Variants in KMT2E observed in about 807,000 individuals in gnomAD.
The protein encoded by KMT2E is histone reader KMT2E.
KMT2E carries 30 observed loss-of-function variants against 184.6 expected under a neutral mutation model. That is an observed-to-expected ratio of 0.16 (90% confidence interval 0.12 to 0.22). The LOEUF (loss-of-function observed/expected upper bound fraction) is 0.22, where lower values mean the gene tolerates loss of function less well. KMT2E is among the 10% of genes least tolerant of loss of function. The pLI is 1.00. For synonymous variants in KMT2E, 815 were observed against 776.5 expected (o/e 1.05, Z -0.82); for missense variants, 2,023 against 2,237.4 (o/e 0.90, Z 1.93).
intron 3 of KMT2E, among the ~76,000 whole-genome samples, chr7:105,051,089 CTTTT>C (rs200244677): frequency 3.6e-5 from 5 of 137,352 alleles, no homozygotes; most frequent in African/African-American, 1.3e-4. Flanking sequence ...TTCTTTCTTT[CTTTT>C]TTCTCTCTCT....
At chr7:105,045,884 C>T (rs539782218) in intron 3 of KMT2E, among the ~76,000 whole-genome samples, 32 of 152,210 alleles carry the variant, frequency 2.1e-4, no homozygotes, top group African/African-American at 7.0e-4. Context: ...TTTTTTCCAT[C>T]TGGTTTTCTT....
intron 1 of KMT2E, among the ~76,000 whole-genome samples, chr7:105,035,360 G>C (rs1795602739): frequency 6.6e-6 from 1 of 151,492 alleles, no homozygotes; most frequent in African/African-American, 2.4e-5. Flanking sequence ...GTAGAGATGG[G>C]GTTTCATCAT....
intron 1 of KMT2E, among the ~76,000 whole-genome samples, chr7:105,015,661 A>C (rs1426454553): frequency 1.3e-5 from 2 of 152,148 alleles, no homozygotes; most frequent in African/African-American, 4.8e-5. Context: ...TGTCCTTTAC[A>C]GATTCTAAAA....
At chr7:105,087,493 G>A (rs1246907646) in intron 13 of KMT2E, among the ~76,000 whole-genome samples, 1 of 149,312 alleles carries the variant, frequency 6.7e-6, no homozygotes, top group Non-Finnish European at 1.5e-5. Flanking sequence ...GCGCGATCTC[G>A]GCTCACTGCA....
intron 1 of KMT2E, among the ~76,000 whole-genome samples, chr7:105,028,409 C>A (rs1015709010): frequency 6.6e-6 from 1 of 152,132 alleles, no homozygotes; most frequent in African/African-American, 2.4e-5. Context: ...TCAAGTGATC[C>A]GCCTGCCTCA....
intron 1 of KMT2E, among the ~76,000 whole-genome samples, chr7:105,032,838 T>C (rs1031506271): frequency 4.0e-4 from 61 of 152,244 alleles, no homozygotes; most frequent in African/African-American, 1.5e-3. Flanking sequence ...TTAATTACAA[T>C]AAGCTTTAAC....
chr7:105,041,050 C>T, intron 3 of KMT2E, 27 bp downstream of exon 3: 1 of 669,172 alleles, frequency 1.5e-6, no homozygotes, highest in Non-Finnish European at 2.2e-6. Flanking sequence ...GTTACATAAG[C>T]AAAAAAAAAA....
chr7:105,084,587 A>G (rs1797887357), intron 13 of KMT2E, among the ~76,000 whole-genome samples: 1 of 151,824 alleles, frequency 6.6e-6, no homozygotes, highest in Non-Finnish European at 1.5e-5. Context: ...AGATCGGACC[A>G]CTGCACTCCA....
intron 15 of KMT2E, chr7:105,091,634 G>C: frequency 2.3e-6 from 1 of 437,518 alleles, no homozygotes; most frequent in Non-Finnish European, 4.0e-6. Context: ...TCTTTTATTA[G>C]CTAAATGTAT....
In KMT2E at chr7:105,102,116, T is replaced by G. The variant is rs1194935407; in HGVS notation, c.2118T>G (p.Thr706=). The G allele has an allele frequency of 6.2e-7, 1 of 1,613,098 alleles. No individual in the cohort carries two copies. The change falls in exon 17 of 27, where the codon ACT becomes ACG. Residue 706 remains threonine, a synonymous_variant. Coordinates refer to ENST00000311117, the MANE Select transcript of KMT2E (RefSeq NM_182931.3). ...TVLTIEPETE[T]ALAEIITETE... ...TTACAATAGAACCAGAAACTGAAAC[T>G]GCACTAGCAGAAATAATTACTGAAA...
chr7:105,027,607 G>C (rs941158542), intron 1 of KMT2E, among the ~76,000 whole-genome samples: 1 of 152,132 alleles, frequency 6.6e-6, no homozygotes, highest in African/African-American at 2.4e-5. Flanking sequence ...TGTGTAAAGT[G>C]CACAGACATT....
At chr7:105,065,126 G>A (rs1796977235) in intron 5 of KMT2E, among the ~76,000 whole-genome samples, 1 of 152,102 alleles carries the variant, frequency 6.6e-6, no homozygotes, top group East Asian at 1.9e-4. Flanking sequence ...TTGTTACTCT[G>A]TTTTTCTGTT....
intron 1 of KMT2E, among the ~76,000 whole-genome samples, chr7:105,037,786 G>C (rs1467178343): frequency 6.6e-6 from 1 of 151,928 alleles, no homozygotes; most frequent in African/African-American, 2.4e-5. Context: ...TGAGAGTCTT[G>C]TTTGTTTTTA....
In KMT2E at chr7:105,090,011, A is replaced by G; in HGVS notation, c.1361A>G (p.Lys454Arg). The change falls in exon 14 of 27, where the codon AAG (lysine) becomes AGG (arginine). Residue 454 changes from lysine (K) to arginine (R), a missense_variant and splice_region_variant. Lys to Arg is a conservative substitution (Grantham distance 26). This residue lies in a region of KMT2E where 68 missense variants were observed against 133.1 expected (regional missense o/e 0.51). Coordinates refer to ENST00000311117, the MANE Select transcript of KMT2E (RefSeq NM_182931.3). ...IAFDFDYGNC[K>R]YKVDCACLKE... ...TATTTAACTGGTTATCTTTCCAGTA[A>G]GTACAAGGTGGACTGTGCATGCCTC... 6.3e-7 allele frequency: 1 copy of G among 1,593,906 alleles called. No homozygotes were observed. The highest frequency in any genetic ancestry group is 8.5e-7 in the Non-Finnish European group (1 of 1,174,050).
chr7:105,091,128 GT>G, intron 14 of KMT2E, 87 bp from the exon 15 acceptor site: 1 of 608,136 alleles, frequency 1.6e-6, no homozygotes, highest in Non-Finnish European at 2.9e-6. Context: ...TGAATTTGTT[GT>G]GGTTGAAAGA....
intron 3 of KMT2E, 59 bp downstream of exon 3, chr7:105,041,082 A>G: frequency 9.8e-7 from 1 of 1,018,132 alleles, no homozygotes; most frequent in South Asian, 1.5e-5. Flanking sequence ...CTGGAGCTAG[A>G]AAGTAGGAAG....
chr7:105,048,538 T>A (rs1796197400), intron 3 of KMT2E, among the ~76,000 whole-genome samples: 1 of 150,524 alleles, frequency 6.6e-6, no homozygotes, highest in Non-Finnish European at 1.5e-5. Flanking sequence ...ATACATTTTC[T>A]CATTTTTAAA....
At chr7:105,096,337 AAAT>A (rs1330557541) in intron 15 of KMT2E, among the ~76,000 whole-genome samples, 2 of 152,100 alleles carry the variant, frequency 1.3e-5, no homozygotes, top group African/African-American at 4.8e-5. Context: ...AATATTTCCA[AAAT>A]AATTTTTCAT....
At position 105,076,032 on chromosome 7, in the gene KMT2E, G is replaced by C. The variant is rs756166269; in HGVS notation, c.730-11G>C. 1.3e-6 allele frequency: 2 copies of C among 1,583,346 alleles called. No individual in the cohort carries two copies. The highest frequency in any genetic ancestry group is 2.2e-5 in the South Asian group (2 of 90,022). ...TTTAGGAAACTAACTAGAATTCCAT[G>C]TTTATTTTAGGCATTTCGTGAAGGA... On this transcript the variant is annotated splice_polypyrimidine_tract_variant and intron_variant, in intron 8 of 26. Coordinates refer to ENST00000311117, the MANE Select transcript of KMT2E (RefSeq NM_182931.3).
Sources: allele counts gnomAD v4.1 joint callset (sites outside exome capture counted in the v4.1 genomes callset), GRCh38; gene constraint gnomAD v4.1.1; regional missense constraint gnomAD v4.1.1; transcripts MANE v1.5; gene names NCBI Gene and HGNC (gene_info 2026-07-23, HGNC 2026-07-21).